Variants in TENM2 observed in about 807,000 individuals in gnomAD.
The protein encoded by TENM2 is teneurin-2.
A neutral mutation model predicts 245.2 loss-of-function variants in TENM2; 52 were observed. That is an observed-to-expected ratio of 0.21 (90% CI 0.17 to 0.27). TENM2 has a LOEUF of 0.27. Ranked by LOEUF, TENM2 falls within the 10% of genes least tolerant of loss-of-function variation. The pLI, the probability that TENM2 is intolerant of heterozygous loss-of-function variation, is 1.00. For missense variants in TENM2, 3,046 were observed against 3,666.8 expected, an observed-to-expected ratio of 0.83 and a Z score of 4.37; for synonymous variants, 1,363 against 1,438.9, an observed-to-expected ratio of 0.95 and a Z score of 1.19.
intron 8 of TENM2, among the ~76,000 whole-genome samples, chr5:168,097,456 G>A (rs183811992): frequency 5.9e-5 from 9 of 152,046 alleles, no homozygotes; most frequent in South Asian, 2.1e-4. Flanking sequence ...ATTGAGTCTC[G>A]CTCTGTCACC....
intron 12 of TENM2, among the ~76,000 whole-genome samples, chr5:168,156,039 G>A (rs925752676): frequency 6.6e-6 from 1 of 151,354 alleles, no homozygotes; most frequent in African/African-American, 2.4e-5. Flanking sequence ...ATGAACAAAA[G>A]AGGCAAAACT....
intron 7 of TENM2, among the ~76,000 whole-genome samples, chr5:168,065,651 C>A (rs1443280733): frequency 6.6e-6 from 1 of 151,856 alleles, no homozygotes; most frequent in Non-Finnish European, 1.5e-5. Flanking sequence ...TTTCTAGTTT[C>A]TTCTTCTTTC....
At chr5:167,836,422 T>C (rs1583144716) in intron 2 of TENM2, among the ~76,000 whole-genome samples, 1 of 152,214 alleles carries the variant, frequency 6.6e-6, no homozygotes, top group Admixed American at 6.5e-5. Context: ...TTGTGGATGG[T>C]CCAATTGAGG....
intron 3 of TENM2, among the ~76,000 whole-genome samples, chr5:167,909,409 T>G (rs1023321654): frequency 1.3e-5 from 2 of 152,226 alleles, no homozygotes; most frequent in Non-Finnish European, 2.9e-5. Context: ...AACCTGTGCA[T>G]GTACCCCCTA....
intron 27 of TENM2, among the ~76,000 whole-genome samples, chr5:168,258,295 A>G (rs1324222478): frequency 6.6e-6 from 1 of 152,058 alleles, no homozygotes; most frequent in Non-Finnish European, 1.5e-5. Context: ...AGGTCAAGAT[A>G]TGGAGACCAT....
At chr5:168,001,100 T>A (rs1784388831) in intron 5 of TENM2, among the ~76,000 whole-genome samples, 1 of 152,216 alleles carries the variant, frequency 6.6e-6, no homozygotes. Flanking sequence ...GTACCAGTTG[T>A]GGAAGGTGTT....
chr5:167,744,663 G>A lies in TENM2; in HGVS notation c.503-131323G>A, dbSNP rs78121211. On this transcript the variant is annotated intron_variant, in intron 2 of 28. Transcript: ENST00000518659. ...CTTCCACCTATTAATAGCTCTGGCC[G>A]CCCCAGGTGCTCATTTTCAAGACAC... Among the ~76,000 whole-genome samples the A allele has an allele frequency of 8.3e-3, 1,263 of 152,174 alleles. 15 individuals carry two copies. The highest frequency in any genetic ancestry group is 0.028 in the African/African-American group (1,162 of 41,512).
chr5:167,235,514 G>A, the TENM2 span, among the ~76,000 whole-genome samples: 2 of 152,134 alleles, frequency 1.3e-5, no homozygotes, highest in African/African-American at 4.8e-5. Flanking sequence ...TAACTGAAAA[G>A]TTTAGGGTAA....
Position 167,690,544 on chromosome 5 carries a change from C to T in TENM2, c.503-185442C>T, listed in dbSNP as rs935734470. Among the ~76,000 whole-genome samples, 9 of 152,240 alleles carry T rather than the reference C, an allele frequency of 5.9e-5. 1 individual carries two copies. The highest frequency in any genetic ancestry group is 3.4e-3 in the Middle Eastern group (1 of 292). ...GAACAGAGAGAGCTGCATGCTATTA[C>T]CATTTTTTGCGACTAAATACTTGTG... On this transcript the variant is annotated intron_variant, in intron 2 of 28. Transcript: ENST00000518659.
chr5:168,007,124 TTTTC>T (rs1355029175), intron 5 of TENM2, among the ~76,000 whole-genome samples: 4 of 149,540 alleles, frequency 2.7e-5, no homozygotes, highest in Admixed American at 2.0e-4. Flanking sequence ...AGGCCTTCCT[TTTTC>T]TTTCTTTTTT....
chr5:167,251,322 A>C, the TENM2 span, among the ~76,000 whole-genome samples: 1 of 152,160 alleles, frequency 6.6e-6, no homozygotes, highest in Non-Finnish European at 1.5e-5. Flanking sequence ...ACAGAGCTAC[A>C]AAAACAAAAC....
chr5:167,822,351 T>G (rs1767603280), intron 2 of TENM2, among the ~76,000 whole-genome samples: 1 of 152,192 alleles, frequency 6.6e-6, no homozygotes, highest in South Asian at 2.1e-4. Flanking sequence ...TATAAGTGCG[T>G]TAGAAGAAAG....
At chr5:167,421,902 C>G (rs1379542124) in intron 2 of TENM2, among the ~76,000 whole-genome samples, 2 of 152,088 alleles carry the variant, frequency 1.3e-5, no homozygotes, top group African/African-American at 4.8e-5. Context: ...AAGCAATTCT[C>G]TGCCTCAGCC....
chr5:167,787,157 G>A (rs1243296049), intron 2 of TENM2, among the ~76,000 whole-genome samples: 1 of 152,146 alleles, frequency 6.6e-6, no homozygotes, highest in African/African-American at 2.4e-5. Context: ...CCACACTCAG[G>A]AGATGGGGGG....
chr5:167,710,360 A>C (rs1228541388), intron 2 of TENM2, among the ~76,000 whole-genome samples: 1 of 152,184 alleles, frequency 6.6e-6, no homozygotes, highest in Admixed American at 6.5e-5. Flanking sequence ...AAAAAACAAC[A>C]ACACACAAAC....
intron 5 of TENM2, among the ~76,000 whole-genome samples, chr5:168,026,154 C>T (rs1458851403): frequency 2.6e-5 from 4 of 152,118 alleles, no homozygotes; most frequent in African/African-American, 9.7e-5. Context: ...CTCCCAGGAA[C>T]AGCAGCTCCA....
At chr5:167,351,219 T>C (rs1294189198) in intron 1 of TENM2, among the ~76,000 whole-genome samples, 2 of 151,234 alleles carry the variant, frequency 1.3e-5, no homozygotes, top group Non-Finnish European at 2.9e-5. Context: ...TATATATACA[T>C]AAGATCAACC....
At chr5:167,697,665 C>T (rs1757856623) in intron 2 of TENM2, among the ~76,000 whole-genome samples, 1 of 152,134 alleles carries the variant, frequency 6.6e-6, no homozygotes, top group African/African-American at 2.4e-5. Flanking sequence ...GCTGGGATTA[C>T]AGGCACCCGC....
the TENM2 span, among the ~76,000 whole-genome samples, chr5:167,031,426 A>T: frequency 2.0e-5 from 3 of 152,192 alleles, no homozygotes; most frequent in African/African-American, 7.2e-5. Context: ...CAGTCATCTG[A>T]GTGCTTGAGT....
Sources: gnomAD v4.1 joint callset for allele counts (sites outside exome capture counted in the v4.1 genomes callset) on GRCh38, gnomAD v4.1.1 for gene constraint, MANE v1.5 for transcripts, NCBI Gene and HGNC (gene_info 2026-07-23, HGNC 2026-07-21) for gene names.